DAB1: variants seen among roughly 807,000 people sequenced by gnomAD.
The protein encoded by DAB1 is disabled homolog 1.
DAB1 carries 15 observed loss-of-function variants against 64.6 expected under a neutral mutation model. That is an observed-to-expected ratio of 0.23 (90% CI 0.16 to 0.36). The LOEUF (loss-of-function observed/expected upper bound fraction) is 0.36. Ranked by LOEUF, DAB1 falls within the 10% of genes least tolerant of loss-of-function variation. The pLI is 1.00. For synonymous variants in DAB1, 235 were observed against 251.9 expected, an observed-to-expected ratio of 0.93 and a Z score of 0.64; for missense variants, 596 against 706.7, an observed-to-expected ratio of 0.84 and a Z score of 1.78.
intron 14 of DAB1, among the ~76,000 whole-genome samples, chr1:57,006,845 T>C (rs1646088290): frequency 6.6e-6 from 1 of 152,220 alleles, no homozygotes; most frequent in Admixed American, 6.5e-5. Context: ...ATGATATTAT[T>C]TGATTCTTGG....
At chr1:58,373,381 T>G (rs1644288721) in intron 3 of DAB1, among the ~76,000 whole-genome samples, 1 of 141,198 alleles carries the variant, frequency 7.1e-6, no homozygotes, top group Non-Finnish European at 1.6e-5. Flanking sequence ...GTCCATGTGA[T>G]CTCATTGTTC....
chr1:57,968,099 T>C (rs1267137209), intron 5 of DAB1, among the ~76,000 whole-genome samples: 1 of 151,980 alleles, frequency 6.6e-6, no homozygotes, highest in African/African-American at 2.4e-5. Flanking sequence ...AAAGAGTGTG[T>C]GGATGTGTGT....
chr1:58,479,486 A>C (rs1177028461), intron 3 of DAB1, among the ~76,000 whole-genome samples: 1 of 152,188 alleles, frequency 6.6e-6, no homozygotes, highest in Non-Finnish European at 1.5e-5. Context: ...GACACATCCC[A>C]AATGAGATTT....
chr1:57,411,185 T>C (rs1684079898), intron 1 of DAB1, among the ~76,000 whole-genome samples: 1 of 152,198 alleles, frequency 6.6e-6, no homozygotes. Context: ...CTTCCTCACA[T>C]AGTCAAAAAC....
intron 4 of DAB1, among the ~76,000 whole-genome samples, chr1:58,189,120 T>A (rs1029677639): frequency 3.3e-5 from 5 of 152,218 alleles, no homozygotes; most frequent in Admixed American, 3.3e-4. Context: ...AACTGTTGCA[T>A]GGATTGCTGG....
chr1:57,008,809 T>C (rs560643679), intron 14 of DAB1, among the ~76,000 whole-genome samples: 3 of 152,332 alleles, frequency 2.0e-5, no homozygotes, highest in Non-Finnish European at 2.9e-5. Context: ...TTCTAGCAGA[T>C]GAAGAAACCA....
intron 6 of DAB1, among the ~76,000 whole-genome samples, chr1:57,788,120 A>C (rs1650424339): frequency 6.6e-6 from 1 of 152,196 alleles, no homozygotes; most frequent in Admixed American, 6.5e-5. Flanking sequence ...TTATCAAACT[A>C]AATATATGCT....
At chr1:57,441,296 T>G (rs199864311) in intron 7 of DAB1, among the ~76,000 whole-genome samples, 1 of 34,596 alleles carries the variant, frequency 2.9e-5, no homozygotes, top group Admixed American at 4.7e-4. Context: ...CTTTCTTTCT[T>G]TCTTTCTTTC....
intron 7 of DAB1, among the ~76,000 whole-genome samples, chr1:57,431,649 A>T (rs984507695): frequency 6.6e-6 from 1 of 152,188 alleles, no homozygotes; most frequent in African/African-American, 2.4e-5. Flanking sequence ...AACACTGGCA[A>T]TTGTATTTAT....
At chr1:57,806,817 C>T (rs371518313) in intron 6 of DAB1, among the ~76,000 whole-genome samples, 8 of 152,164 alleles carry the variant, frequency 5.3e-5, no homozygotes, top group South Asian at 2.1e-4. Context: ...TTCCCTAATA[C>T]GTCCCACTTC....
In DAB1 at chr1:57,566,774, G is replaced by A. The variant is rs377031299; in HGVS notation, n.625+82818C>T. ...ACCAATAACAGGCTCTGAAATTGAG[G>A]CAATAATTAATAGCCTACCAACCAA... On this transcript the variant is annotated intron_variant and non_coding_transcript_variant, in intron 7 of 20. Transcript: ENST00000485760. 3.3e-4 allele frequency among the ~76,000 whole-genome samples: 50 copies of A among 152,262 alleles called. No homozygotes were observed. The East Asian group carries it at 9.1e-3, about 28-fold the overall frequency.
chr1:58,110,514 T>C lies in DAB1; in HGVS notation n.387+39997A>G, dbSNP rs145119426. Among the ~76,000 whole-genome samples the C allele has an allele frequency of 1.7e-3, 256 of 152,344 alleles. 1 individual carries two copies. The highest frequency in any genetic ancestry group is 5.9e-3 in the African/African-American group (245 of 41,590). ...TACATTATTTGATTTACTTTTTGTGTCAGCCCTGCAAGGACATCTTTACCT... is the reference window on the plus strand; with the variant it reads ...TACATTATTTGATTTACTTTTTGTGCCAGCCCTGCAAGGACATCTTTACCT... On this transcript the variant is annotated intron_variant and non_coding_transcript_variant, in intron 5 of 20. Transcript: ENST00000485760.
At chr1:58,496,683 T>A (rs1368837357) in intron 3 of DAB1, among the ~76,000 whole-genome samples, 1 of 152,188 alleles carries the variant, frequency 6.6e-6, no homozygotes, top group Non-Finnish European at 1.5e-5. Context: ...CTTTCAACTC[T>A]GTTTTTCCAA....
intron 4 of DAB1, among the ~76,000 whole-genome samples, chr1:58,300,636 GAGAGAGAGAGAGGA>G (rs1282676209): frequency 1.4e-3 from 82 of 59,162 alleles, no homozygotes; most frequent in African/African-American, 4.1e-3. Flanking sequence ...GAGAGAGAGA[GAGAGAGAGAGAGGA>G]AGGAAGGAAG....
chr1:57,189,132 T>G (rs1663884830), intron 2 of DAB1, among the ~76,000 whole-genome samples: 1 of 152,148 alleles, frequency 6.6e-6, no homozygotes, highest in Admixed American at 6.5e-5. Context: ...CTCTTTCCTC[T>G]TCTTTCCTCT....
intron 4 of DAB1, among the ~76,000 whole-genome samples, chr1:58,237,673 C>T (rs778732739): frequency 3.9e-5 from 6 of 152,126 alleles, no homozygotes; most frequent in Non-Finnish European, 5.9e-5. Context: ...CACTGAAATG[C>T]TCCGTAACAG....
intron 5 of DAB1, among the ~76,000 whole-genome samples, chr1:58,123,925 A>C (rs1382014721): frequency 2.0e-5 from 3 of 152,196 alleles, no homozygotes; most frequent in African/African-American, 4.8e-5. Context: ...ACACACACAC[A>C]TACAACTTTG....
chr1:57,895,966 C>CT (rs146225110), intron 5 of DAB1, among the ~76,000 whole-genome samples: 1,617 of 152,338 alleles, frequency 0.011, 22 homozygotes, highest in African/African-American at 0.036. Flanking sequence ...GCTCTACCAA[C>CT]TACTGACCCC....
At chr1:57,197,295 A>T (rs1664702696) in intron 2 of DAB1, among the ~76,000 whole-genome samples, 1 of 151,618 alleles carries the variant, frequency 6.6e-6, no homozygotes, top group African/African-American at 2.4e-5. Context: ...TATAAGGCAA[A>T]ATAGTGCCAC....
Sources: allele counts gnomAD v4.1 joint callset (sites outside exome capture counted in the v4.1 genomes callset), GRCh38; gene constraint gnomAD v4.1.1; transcripts MANE v1.5; gene names NCBI Gene and HGNC (gene_info 2026-07-23, HGNC 2026-07-21).